Variants in PTH2R observed in about 807,000 individuals in gnomAD.
PTH2R encodes PTH2 receptor.
In PTH2R, 59 loss-of-function variants were observed where a neutral mutation model predicts 60.3. That is an observed-to-expected ratio of 0.98 (90% CI 0.79 to 1.22). PTH2R has a LOEUF of 1.22. Among genes scored for constraint, PTH2R ranks in the 50% most tolerant of loss-of-function variants. The probability of loss-of-function intolerance (pLI) is 0.00; values close to 1 mark genes in which losing one functional copy is unlikely to be tolerated. For synonymous variants in PTH2R, 256 were observed against 243.8 expected (o/e 1.05, Z -0.47); for missense variants, 749 against 682.6 (o/e 1.10, Z -1.08).
At chr2:208,371,367 G>A (rs1700697764) in intron 1 of PTH2R, among the ~76,000 whole-genome samples, 1 of 152,092 alleles carries the variant, frequency 6.6e-6, no homozygotes, top group African/African-American at 2.4e-5. Flanking sequence ...TTACAAACGT[G>A]ACGTTAAAAA....
intron 1 of PTH2R, among the ~76,000 whole-genome samples, chr2:208,395,556 G>T (rs950744778): frequency 5.3e-5 from 8 of 152,132 alleles, no homozygotes; most frequent in African/African-American, 1.9e-4. Flanking sequence ...TCCTGATCTT[G>T]CCTAACAGGA....
At chr2:208,413,141 C>CCACA (rs5838121) in intron 1 of PTH2R, among the ~76,000 whole-genome samples, 9,729 of 149,798 alleles carry the variant, frequency 0.065, 510 homozygotes, top group African/African-American at 0.15. Context: ...TAAAAAGTGA[C>CCACA]CACACACACA....
intron 8 of PTH2R, among the ~76,000 whole-genome samples, chr2:208,458,432 C>G (rs1250662250): frequency 6.6e-6 from 1 of 152,016 alleles, no homozygotes; most frequent in Non-Finnish European, 1.5e-5. Flanking sequence ...AAATGGACAG[C>G]TGTCAAAGAT....
intron 1 of PTH2R, among the ~76,000 whole-genome samples, chr2:208,394,037 AAAG>A (rs1444936329): frequency 1.3e-5 from 2 of 152,188 alleles, no homozygotes; most frequent in African/African-American, 4.8e-5. Flanking sequence ...GTGGCTGCTA[AAAG>A]AACTGGGTTG....
At chr2:208,426,707 C>G (rs1421642503) in intron 1 of PTH2R, among the ~76,000 whole-genome samples, 1 of 152,154 alleles carries the variant, frequency 6.6e-6, no homozygotes, top group Admixed American at 6.5e-5. Context: ...TCGCTTCGTC[C>G]TGCTGCCCAG....
At chr2:208,490,800 G>A (rs1703387757) in intron 12 of PTH2R, 120 bp downstream of exon 12, 5 of 888,174 alleles carry the variant, frequency 5.6e-6, no homozygotes, top group African/African-American at 1.7e-5. Flanking sequence ...GGAGAAGGAA[G>A]CTATTTTAAT....
At chr2:208,429,068 G>A (rs1701917681) in intron 2 of PTH2R, among the ~76,000 whole-genome samples, 2 of 135,112 alleles carry the variant, frequency 1.5e-5, no homozygotes, top group South Asian at 2.6e-4. Context: ...CTGGGTGACA[G>A]AGCGACTCTC....
At chr2:208,406,785 CA>C (rs928083385), upstream of PTH2R, 1 of 349,148 alleles carries the variant, frequency 2.9e-6, no homozygotes, top group Non-Finnish European at 5.1e-6. Context: ...GGCTGCGAGT[CA>C]AGTCCAGGAC....
At chr2:208,440,551 T>C (rs1702161656) in intron 4 of PTH2R, among the ~76,000 whole-genome samples, 1 of 152,010 alleles carries the variant, frequency 6.6e-6, no homozygotes, top group Non-Finnish European at 1.5e-5. Flanking sequence ...TAAACATGAG[T>C]TGAGGATGCC....
intron 1 of PTH2R, among the ~76,000 whole-genome samples, chr2:208,393,432 G>A (rs1701146121): frequency 6.6e-6 from 1 of 152,102 alleles, no homozygotes; most frequent in Non-Finnish European, 1.5e-5. Flanking sequence ...TCTTCCATAG[G>A]CCTTCTATAT....
intron 1 of PTH2R, among the ~76,000 whole-genome samples, chr2:208,389,943 C>T (rs1038667939): frequency 1.3e-5 from 2 of 151,988 alleles, no homozygotes; most frequent in South Asian, 2.1e-4. Flanking sequence ...AGAAGGGTCT[C>T]GAGTTCCATG....
intron 9 of PTH2R, among the ~76,000 whole-genome samples, chr2:208,470,315 T>TA (rs755819232): frequency 6.6e-5 from 10 of 152,240 alleles, no homozygotes; most frequent in Non-Finnish European, 1.3e-4. Flanking sequence ...CATCCAGTGA[T>TA]AGGTGATCAA....
intron 1 of PTH2R, among the ~76,000 whole-genome samples, chr2:208,418,948 G>C (rs939402209): frequency 6.6e-6 from 1 of 152,114 alleles, no homozygotes; most frequent in South Asian, 2.1e-4. Context: ...ATACTACACT[G>C]TATAGTCTTT....
chr2:208,386,180 A>G lies in PTH2R; in HGVS notation c.-259+25943A>G, dbSNP rs186918991. Among the ~76,000 whole-genome samples, 6 of 152,300 alleles carry G rather than the reference A, an allele frequency of 3.9e-5. No individual in the cohort carries two copies. In the East Asian group the frequency reaches 1.2e-3, roughly 29 times the overall value. On this transcript the variant is annotated intron_variant, in intron 1 of 12. Coordinates refer to the PTH2R transcript ENST00000617735. The stretch of plus-strand genomic sequence containing the variant: ...CAGATTTAGACTTGTGCTCATCATC[A>G]TACTCATGTTCTTGACATCATTTTA...
intron 1 of PTH2R, among the ~76,000 whole-genome samples, chr2:208,368,436 C>T (rs1700634249): frequency 6.6e-6 from 1 of 152,236 alleles, no homozygotes; most frequent in African/African-American, 2.4e-5. Context: ...CCACCATTCA[C>T]CTCTCTGTTC....
chr2:208,457,845 A>G (rs1258762195), intron 8 of PTH2R, among the ~76,000 whole-genome samples: 1 of 152,114 alleles, frequency 6.6e-6, no homozygotes, highest in Non-Finnish European at 1.5e-5. Context: ...AAAATGTTTT[A>G]CCCTTAAGGA....
At chr2:208,458,923 G>A (rs935195754) in intron 8 of PTH2R, among the ~76,000 whole-genome samples, 1 of 152,008 alleles carries the variant, frequency 6.6e-6, no homozygotes, top group African/African-American at 2.4e-5. Flanking sequence ...ATTTGCATAC[G>A]TGTGTCTTTA....
intron 9 of PTH2R, among the ~76,000 whole-genome samples, chr2:208,475,708 T>C (rs976855662): frequency 6.6e-6 from 1 of 152,170 alleles, no homozygotes; most frequent in African/African-American, 2.4e-5. Flanking sequence ...TGATGGGTAT[T>C]AGGAATATAT....
At chr2:208,418,361 C>G (rs765282128) in intron 1 of PTH2R, among the ~76,000 whole-genome samples, 2 of 143,348 alleles carry the variant, frequency 1.4e-5, no homozygotes, top group African/African-American at 2.9e-5. Flanking sequence ...CTTTTGCACT[C>G]AATTTTTTTT....
Sources: gnomAD v4.1 joint callset for allele counts (sites outside exome capture counted in the v4.1 genomes callset) on GRCh38, gnomAD v4.1.1 for gene constraint, MANE v1.5 for transcripts, NCBI Gene and HGNC (gene_info 2026-07-23, HGNC 2026-07-21) for gene names.